Variants in MGST1 observed in about 807,000 individuals in gnomAD.
The protein encoded by MGST1 is glutathione S-transferase 12.
Under a neutral mutation model 8.9 loss-of-function variants are expected in MGST1, and 5 were observed. The ratio of observed to expected loss-of-function variants is 0.56; its 90% CI spans 0.29 to 1.19. The LOEUF is 1.19. Among genes scored for constraint, MGST1 ranks in the 50% most tolerant of loss-of-function variants. The pLI is 0.08. For synonymous variants in MGST1, 54 were observed against 67.8 expected, an observed-to-expected ratio of 0.80 and a Z score of 1.00; for missense variants, 182 against 187.4, an observed-to-expected ratio of 0.97 and a Z score of 0.17.
At chr12:16,592,705 TGTAAG>T (rs964347566), downstream of MGST1, among the ~76,000 whole-genome samples, 11 of 151,956 alleles carry the variant, frequency 7.2e-5, no homozygotes, top group Non-Finnish European at 1.5e-4. Context: ...TGCTTAATGT[TGTAAG>T]GTATTTTAAA....
At chr12:16,499,912 A>T (rs1343867657) in intron 4 of MGST1, among the ~76,000 whole-genome samples, 2 of 152,160 alleles carry the variant, frequency 1.3e-5, no homozygotes, top group East Asian at 3.9e-4. Context: ...GCATGTTTTT[A>T]AAACAAATCG....
intron 4 of MGST1, among the ~76,000 whole-genome samples, chr12:16,522,015 T>C (rs959205084): frequency 2.6e-5 from 4 of 152,142 alleles, no homozygotes; most frequent in Admixed American, 6.5e-5. Context: ...TGAACATTTT[T>C]CCCCAATTAT....
intron 4 of MGST1, among the ~76,000 whole-genome samples, chr12:16,461,568 T>C (rs1303880046): frequency 6.6e-6 from 1 of 152,098 alleles, no homozygotes; most frequent in African/African-American, 2.4e-5. Flanking sequence ...CTAGGAAAAA[T>C]AGGTTCTTTG....
chr12:16,518,176 C>T (rs184368641), intron 4 of MGST1, among the ~76,000 whole-genome samples: 4 of 152,146 alleles, frequency 2.6e-5, no homozygotes, highest in African/African-American at 9.7e-5. Context: ...TCCACTGCTA[C>T]CTCATCTTCT....
chr12:16,371,759 A>G (rs1312680728), intron 3 of MGST1, among the ~76,000 whole-genome samples: 1 of 152,104 alleles, frequency 6.6e-6, no homozygotes, highest in East Asian at 1.9e-4. Flanking sequence ...TTCCTGTTTT[A>G]TAAGTACCTA....
Position 16,546,541 on chromosome 12 carries a change from C to T in MGST1, n.483-42987C>T, listed in dbSNP as rs181548911. On this transcript the variant is annotated intron_variant and non_coding_transcript_variant, in intron 4 of 4. Transcript: ENST00000538857. This position sits in a 1 kb window ranked among gnomAD's most constrained non-coding sequence, Gnocchi z 4.7. Reference sequence around the variant, plus strand: ...AATTTTGTGCATTACGTGATCTGCACGCCCAAAACAGGAGTATCTTTGAAT... The same window carrying T: ...AATTTTGTGCATTACGTGATCTGCATGCCCAAAACAGGAGTATCTTTGAAT... 3.0e-4 allele frequency among the ~76,000 whole-genome samples: 45 copies of T among 152,188 alleles called. No homozygotes were observed. The highest frequency in any genetic ancestry group is 1.9e-3 in the Admixed American group (29 of 15,256).
At chr12:16,444,818 T>G (rs1941066652) in intron 4 of MGST1, among the ~76,000 whole-genome samples, 1 of 151,870 alleles carries the variant, frequency 6.6e-6, no homozygotes, top group Non-Finnish European at 1.5e-5. Context: ...ACTTTATGAC[T>G]TGATGGGTCT....
intron 4 of MGST1, among the ~76,000 whole-genome samples, chr12:16,493,904 T>A (rs942901982): frequency 6.6e-6 from 1 of 152,180 alleles, no homozygotes; most frequent in Non-Finnish European, 1.5e-5. Context: ...TTAATTTCAA[T>A]ATCTATGTTT....
intron 1 of MGST1, among the ~76,000 whole-genome samples, chr12:16,404,234 G>T (rs575539356): frequency 8.9e-4 from 135 of 152,036 alleles, no homozygotes; most frequent in Non-Finnish European, 5.7e-4. Context: ...AGTCTATCTT[G>T]TATAATATTA....
chr12:16,402,687 T>G (rs1940667719), intron 1 of MGST1, among the ~76,000 whole-genome samples: 1 of 152,110 alleles, frequency 6.6e-6, no homozygotes, highest in African/African-American at 2.4e-5. Context: ...TAGATTCTTT[T>G]GTTTTTCCAT....
intron 1 of MGST1, among the ~76,000 whole-genome samples, chr12:16,430,795 A>G (rs1482263818): frequency 6.6e-6 from 1 of 152,176 alleles, no homozygotes; most frequent in African/African-American, 2.4e-5. Context: ...ATTAGCTTCA[A>G]CTGAGTTACC....
intron 1 of MGST1, among the ~76,000 whole-genome samples, chr12:16,418,943 G>A (rs1378615011): frequency 6.6e-6 from 1 of 152,008 alleles, no homozygotes; most frequent in Non-Finnish European, 1.5e-5. Context: ...ACCCCTCAGA[G>A]CTTATATGTT....
intron 4 of MGST1, among the ~76,000 whole-genome samples, chr12:16,514,723 C>G (rs540611482): frequency 6.6e-6 from 1 of 151,578 alleles, no homozygotes; most frequent in African/African-American, 2.4e-5. Flanking sequence ...GCCTCTGCTA[C>G]TGGGAGCTTC....
intron 4 of MGST1, among the ~76,000 whole-genome samples, chr12:16,519,016 C>T (rs1447344997): frequency 6.6e-6 from 1 of 152,172 alleles, no homozygotes; most frequent in Non-Finnish European, 1.5e-5. Context: ...TATAATGTCA[C>T]TCCGTGTTTC....
At chr12:16,378,018 T>A (rs1383545208), downstream of MGST1, among the ~76,000 whole-genome samples, 1 of 151,942 alleles carries the variant, frequency 6.6e-6, no homozygotes, top group Non-Finnish European at 1.5e-5. Context: ...GTAAATTTGT[T>A]TGAGTTCATT....
chr12:16,380,475 A>T (rs1171582331), downstream of MGST1, among the ~76,000 whole-genome samples: 2 of 151,978 alleles, frequency 1.3e-5, no homozygotes, highest in Non-Finnish European at 2.9e-5. Context: ...TTTAATCCTG[A>T]GTTCTAGTTT....
In MGST1 at chr12:16,364,067, G is replaced by T. The variant is rs1940131256; in HGVS notation, c.*26G>T. Reference sequence around the variant, plus strand: ...AGAAAATCATACAACTCAGCATCCAGTTGGCTTTTTAAGAATTCTGTACTT... The same window carrying T: ...AGAAAATCATACAACTCAGCATCCATTTGGCTTTTTAAGAATTCTGTACTT... On this transcript the variant is annotated 3_prime_UTR_variant, in exon 4 of 4. Transcript: ENST00000396210. This position sits in a 1 kb window ranked among gnomAD's most constrained non-coding sequence, Gnocchi z 5.7. The T allele has an allele frequency of 1.9e-6, 3 of 1,560,946 alleles. No homozygotes were observed. The highest frequency in any genetic ancestry group is 2.6e-6 in the Non-Finnish European group (3 of 1,152,084).
At chr12:16,453,129 A>G (rs1941143010) in intron 4 of MGST1, among the ~76,000 whole-genome samples, 1 of 151,986 alleles carries the variant, frequency 6.6e-6, no homozygotes, top group South Asian at 2.1e-4. Context: ...CCAGTGTGAC[A>G]TGAACCAAGA....
At chr12:16,565,724 A>G (rs1942574614) in intron 4 of MGST1, among the ~76,000 whole-genome samples, 1 of 151,810 alleles carries the variant, frequency 6.6e-6, no homozygotes, top group African/African-American at 2.4e-5. Flanking sequence ...GAAAAAAGGA[A>G]CACTGACACT....
Sources: allele counts gnomAD v4.1 joint callset (sites outside exome capture counted in the v4.1 genomes callset), GRCh38; gene constraint gnomAD v4.1.1; non-coding constraint Gnocchi (gnomAD v3.1); transcripts MANE v1.5; gene names NCBI Gene and HGNC (gene_info 2026-07-23, HGNC 2026-07-21).